STIM1: variants seen among roughly 807,000 people sequenced by gnomAD.
STIM1 encodes stromal interaction molecule 1.
A neutral mutation model predicts 74.7 loss-of-function variants in STIM1; 25 were observed. That is an observed-to-expected ratio of 0.33 (90% CI 0.24 to 0.47). The LOEUF (loss-of-function observed/expected upper bound fraction) is 0.47. Among genes scored for constraint, STIM1 ranks in the 20% least tolerant of loss-of-function variants. The pLI is 1.00. For missense variants in STIM1, 728 were observed against 920.8 expected, an observed-to-expected ratio of 0.79 and a Z score of 2.71; for synonymous variants, 328 against 348.8, an observed-to-expected ratio of 0.94 and a Z score of 0.66.
At chr11:4,000,872 A>C (rs959289259) in intron 2 of STIM1, among the ~76,000 whole-genome samples, 2 of 152,100 alleles carry the variant, frequency 1.3e-5, no homozygotes, top group African/African-American at 2.4e-5. Flanking sequence ...TAGAATAACC[A>C]ATACAGAGAA....
chr11:3,972,772 C>A (rs758661537), intron 2 of STIM1: 1 of 452,898 alleles, frequency 2.2e-6, no homozygotes, highest in Non-Finnish European at 4.4e-6. Context: ...TTCTCTGGCT[C>A]TCTTCTGCTA....
intron 1 of STIM1, among the ~76,000 whole-genome samples, chr11:3,900,927 A>C (rs1170558845): frequency 1.3e-5 from 2 of 152,206 alleles, no homozygotes; most frequent in Non-Finnish European, 2.9e-5. Flanking sequence ...ACGGTGGCTC[A>C]CACCTGTAAT....
chr11:4,076,485 CAAAAAAAAAAAA>C (rs58804386), intron 7 of STIM1, among the ~76,000 whole-genome samples: 3 of 40,756 alleles, frequency 7.4e-5, no homozygotes, highest in African/African-American at 1.1e-4. Context: ...GACTCCATCT[CAAAAAAAAAAAA>C]AAAAAAAAAA....
intron 1 of STIM1, among the ~76,000 whole-genome samples, chr11:3,859,077 C>G (rs527456235): frequency 1.3e-5 from 2 of 152,136 alleles, no homozygotes; most frequent in Non-Finnish European, 2.9e-5. Flanking sequence ...TTTTTTTCTG[C>G]TCTGGAGAGT....
At chr11:3,956,923 A>G (rs1054163859) in intron 1 of STIM1, among the ~76,000 whole-genome samples, 4 of 150,376 alleles carry the variant, frequency 2.7e-5, no homozygotes, top group Non-Finnish European at 3.0e-5. Context: ...CAAATTCTCT[A>G]TTGAATACCT....
chr11:3,993,366 A>G (rs2093632686), intron 2 of STIM1, among the ~76,000 whole-genome samples: 1 of 152,206 alleles, frequency 6.6e-6, no homozygotes, highest in Non-Finnish European at 1.5e-5. Flanking sequence ...CATATAAAAT[A>G]TACTTTGTGG....
At chr11:4,048,477 G>A (rs2094211470) in intron 3 of STIM1, among the ~76,000 whole-genome samples, 1 of 151,922 alleles carries the variant, frequency 6.6e-6, no homozygotes, top group Non-Finnish European at 1.5e-5. Context: ...TTGCTTCCAG[G>A]CTCTTTTTAA....
At chr11:4,068,945 C>T (rs1208867874) in intron 5 of STIM1, among the ~76,000 whole-genome samples, 1 of 152,212 alleles carries the variant, frequency 6.6e-6, no homozygotes, top group Non-Finnish European at 1.5e-5. Flanking sequence ...AAGGATCATG[C>T]CAGTCCTACC....
intron 1 of STIM1, among the ~76,000 whole-genome samples, chr11:3,958,056 G>A (rs527621566): frequency 2.0e-5 from 3 of 152,258 alleles, no homozygotes; most frequent in East Asian, 3.9e-4. Flanking sequence ...AATAGAGACA[G>A]GGTGTCACCA....
intron 1 of STIM1, among the ~76,000 whole-genome samples, chr11:3,860,397 A>G (rs1565092582): frequency 6.6e-6 from 1 of 152,258 alleles, no homozygotes; most frequent in Admixed American, 6.5e-5. Flanking sequence ...GTTTACACAG[A>G]TAACAAGGAA....
intron 3 of STIM1, among the ~76,000 whole-genome samples, chr11:4,030,446 C>G (rs2094040420): frequency 6.6e-6 from 1 of 152,100 alleles, no homozygotes. Flanking sequence ...TTTCAAAAGT[C>G]AGATCCGTAT....
intron 12 of STIM1, 123 bp downstream of exon 12, chr11:4,086,666 C>T: frequency 1.9e-6 from 3 of 1,548,114 alleles, no homozygotes; most frequent in Non-Finnish European, 2.6e-6. Context: ...CCATCTGCCT[C>T]TGCTGCTGCT....
chr11:3,892,484 C>A, intron 1 of STIM1: 1 of 1,530,690 alleles, frequency 6.5e-7, no homozygotes, highest in South Asian at 1.1e-5. Context: ...AATATTCATG[C>A]CTTCTTTCGC....
At chr11:3,935,269 T>G (rs1164728567) in intron 1 of STIM1, among the ~76,000 whole-genome samples, 1 of 152,220 alleles carries the variant, frequency 6.6e-6, no homozygotes, top group Non-Finnish European at 1.5e-5. Context: ...ATGGGGAAAC[T>G]GAGGCCCACC....
chr11:3,876,621 C>A (rs1210914857), intron 1 of STIM1, among the ~76,000 whole-genome samples: 1 of 152,134 alleles, frequency 6.6e-6, no homozygotes, highest in East Asian at 1.9e-4. Context: ...GTTGCCCAGG[C>A]TGGTCTCGAA....
At chr11:3,860,770 T>C (rs1347655901) in intron 1 of STIM1, among the ~76,000 whole-genome samples, 1 of 152,240 alleles carries the variant, frequency 6.6e-6, no homozygotes, top group Non-Finnish European at 1.5e-5. Flanking sequence ...GTCAGGGACC[T>C]TAACTTAAAT....
intron 5 of STIM1, among the ~76,000 whole-genome samples, chr11:4,064,203 T>C (rs115647049): frequency 2.0e-5 from 3 of 152,144 alleles, no homozygotes; most frequent in African/African-American, 7.2e-5. Flanking sequence ...AAAGGAAATA[T>C]TTGAAAATCG....
chr11:4,007,878 A>G (rs2093798491), intron 2 of STIM1, among the ~76,000 whole-genome samples: 1 of 152,152 alleles, frequency 6.6e-6, no homozygotes, highest in African/African-American at 2.4e-5. Flanking sequence ...CAGAAGGAGC[A>G]GCTCTGGCAG....
In STIM1 at chr11:3,897,286, C is replaced by T. The variant is rs139822015; in HGVS notation, c.139+40877C>T. Reference sequence around the variant, plus strand: ...TGCTACCTGATAAAGGCTCTTCTTTCCTCTGCTGCCTCTTCATTGGATTGA... The same window carrying T: ...TGCTACCTGATAAAGGCTCTTCTTTTCTCTGCTGCCTCTTCATTGGATTGA... On this transcript the variant is annotated intron_variant, in intron 1 of 12. Transcript: ENST00000526596. 3.8e-4 allele frequency among the ~76,000 whole-genome samples: 58 copies of T among 152,238 alleles called. 1 individual carries two copies. The highest frequency in any genetic ancestry group is 1.3e-3 in the African/African-American group (54 of 41,536).
Sources: gnomAD v4.1 joint callset for allele counts (sites outside exome capture counted in the v4.1 genomes callset) on GRCh38, gnomAD v4.1.1 for gene constraint, MANE v1.5 for transcripts, NCBI Gene and HGNC (gene_info 2026-07-23, HGNC 2026-07-21) for gene names.